AFG1L: variants seen among roughly 807,000 people sequenced by gnomAD.
The protein encoded by AFG1L is AFG1-like ATPase.
AFG1L carries 53 observed loss-of-function variants against 62.2 expected under a neutral mutation model. That is an observed-to-expected ratio of 0.85 (90% CI 0.68 to 1.07). AFG1L has a LOEUF of 1.07. Ranked by LOEUF, AFG1L falls within the 50% of genes least tolerant of loss-of-function variation. AFG1L has a pLI of 0.00. For synonymous variants in AFG1L, 228 were observed against 210.3 expected (o/e 1.08, Z -0.73); for missense variants, 555 against 590.5 (o/e 0.94, Z 0.62).
intron 7 of AFG1L, among the ~76,000 whole-genome samples, chr6:108,438,139 T>A (rs1341816345): frequency 6.6e-6 from 1 of 152,224 alleles, no homozygotes; most frequent in Non-Finnish European, 1.5e-5. Context: ...AGAAAATGCC[T>A]TTCTGTATGC....
intron 10 of AFG1L, among the ~76,000 whole-genome samples, chr6:108,479,185 T>C (rs1773239220): frequency 6.6e-6 from 1 of 151,846 alleles, no homozygotes; most frequent in Non-Finnish European, 1.5e-5. Flanking sequence ...GAGATGGGGG[T>C]CTTACCATGT....
At chr6:108,439,409 A>G (rs913679708) in intron 7 of AFG1L, among the ~76,000 whole-genome samples, 1 of 152,212 alleles carries the variant, frequency 6.6e-6, no homozygotes. Flanking sequence ...GATATAAAAC[A>G]GTGTGGCATA....
At chr6:108,302,949 T>G (rs140115608) in intron 1 of AFG1L, among the ~76,000 whole-genome samples, 305 of 152,180 alleles carry the variant, frequency 2.0e-3, no homozygotes, top group African/African-American at 7.0e-3. Context: ...AAAAAAAGTT[T>G]CCTTGACTCT....
At chr6:108,476,433 C>G (rs533152449) in intron 8 of AFG1L, among the ~76,000 whole-genome samples, 1 of 152,300 alleles carries the variant, frequency 6.6e-6, no homozygotes, top group East Asian at 1.9e-4. Flanking sequence ...AGTGGCTTGA[C>G]TTGATTTTTT....
chr6:108,357,000 C>T (rs1165525348), intron 5 of AFG1L, among the ~76,000 whole-genome samples, 180 bp downstream of exon 5: 1 of 152,076 alleles, frequency 6.6e-6, no homozygotes, highest in Non-Finnish European at 1.5e-5. Flanking sequence ...CTGCACAGGG[C>T]AAATCTGACC....
At chr6:108,393,843 T>C (rs1323634336) in intron 6 of AFG1L, among the ~76,000 whole-genome samples, 6 of 152,160 alleles carry the variant, frequency 3.9e-5, no homozygotes, top group African/African-American at 1.2e-4. Context: ...AAAGGGCTTA[T>C]TGAAATATAG....
chr6:108,348,623 A>G (rs1448264937), intron 3 of AFG1L, among the ~76,000 whole-genome samples: 1 of 152,224 alleles, frequency 6.6e-6, no homozygotes, highest in African/African-American at 2.4e-5. Context: ...TTCATTGGCT[A>G]ATTGGTACTT....
chr6:108,511,250 G>A (rs1774642435), intron 11 of AFG1L, among the ~76,000 whole-genome samples: 1 of 152,044 alleles, frequency 6.6e-6, no homozygotes, highest in Non-Finnish European at 1.5e-5. Flanking sequence ...GGACCCTTCT[G>A]AATATTGAAG....
chr6:108,447,848 A>G (rs1176934234), intron 8 of AFG1L, among the ~76,000 whole-genome samples: 1 of 152,196 alleles, frequency 6.6e-6, no homozygotes, highest in Non-Finnish European at 1.5e-5. Context: ...ATACTGAAAA[A>G]CAAATATAGT....
At chr6:108,347,140 A>G in intron 3 of AFG1L, 101 bp downstream of exon 3, 1 of 1,007,704 alleles carries the variant, frequency 9.9e-7, no homozygotes, top group East Asian at 2.4e-5. Context: ...GTTACCAGCA[A>G]GGGAATAGGA....
intron 7 of AFG1L, among the ~76,000 whole-genome samples, chr6:108,436,920 T>C (rs1771337532): frequency 6.6e-6 from 1 of 152,224 alleles, no homozygotes; most frequent in Non-Finnish European, 1.5e-5. Flanking sequence ...GCTATTACCA[T>C]GGCGTCTTAG....
intron 10 of AFG1L, among the ~76,000 whole-genome samples, chr6:108,505,915 A>T (rs553649420): frequency 6.6e-6 from 1 of 152,350 alleles, no homozygotes; most frequent in East Asian, 1.9e-4. Context: ...CAATATACAT[A>T]TGTAGATGTA....
intron 1 of AFG1L, among the ~76,000 whole-genome samples, chr6:108,303,383 C>G (rs1195172995): frequency 1.3e-5 from 2 of 152,168 alleles, no homozygotes; most frequent in Non-Finnish European, 2.9e-5. Flanking sequence ...CCTCCAACCC[C>G]AGTCTCCAGT....
chr6:108,493,097 G>A (rs1182338383), intron 10 of AFG1L, among the ~76,000 whole-genome samples: 2 of 152,152 alleles, frequency 1.3e-5, no homozygotes, highest in Non-Finnish European at 2.9e-5. Flanking sequence ...TGCTGTTCCT[G>A]TTTTTCTAGA....
chr6:108,411,362 G>C (rs1300618159), intron 7 of AFG1L, among the ~76,000 whole-genome samples: 1 of 152,002 alleles, frequency 6.6e-6, no homozygotes, highest in Non-Finnish European at 1.5e-5. Context: ...AAAGGCAGCA[G>C]AAACTTCTGT....
intron 8 of AFG1L, among the ~76,000 whole-genome samples, chr6:108,448,189 T>C (rs1771894306): frequency 6.6e-6 from 1 of 152,232 alleles, no homozygotes; most frequent in Non-Finnish European, 1.5e-5. Flanking sequence ...TTTAGTTTAT[T>C]ATTCAGATCC....
intron 6 of AFG1L, among the ~76,000 whole-genome samples, chr6:108,390,100 C>T (rs149997464): frequency 0.011 from 1,741 of 152,222 alleles, 28 homozygotes; most frequent in African/African-American, 0.04. Flanking sequence ...TTTCTCTAAA[C>T]TTCTCTTCTC....
At chr6:108,347,082 T>G in intron 3 of AFG1L, 43 bp downstream of exon 3, 1 of 1,427,444 alleles carries the variant, frequency 7.0e-7, no homozygotes, top group African/African-American at 1.4e-5. Flanking sequence ...AAACAGAAAG[T>G]TTCTCAGCTT....
At chr6:108,444,822 T>C (rs1011511815) in intron 7 of AFG1L, among the ~76,000 whole-genome samples, 9 of 152,208 alleles carry the variant, frequency 5.9e-5, no homozygotes, top group South Asian at 2.1e-4. Context: ...TGTAGCAAAA[T>C]TCTTAAGGGC....
Sources: allele counts gnomAD v4.1 joint callset (sites outside exome capture counted in the v4.1 genomes callset), GRCh38; gene constraint gnomAD v4.1.1; transcripts MANE v1.5; gene names NCBI Gene and HGNC (gene_info 2026-07-23, HGNC 2026-07-21).